Variants in MAGI3 observed in about 807,000 individuals in gnomAD.
MAGI3 encodes membrane-associated guanylate kinase, WW and PDZ domain-containing protein 3.
A neutral mutation model predicts 121.8 loss-of-function variants in MAGI3; 43 were observed. The ratio of observed to expected loss-of-function variants is 0.35; its 90% CI spans 0.28 to 0.46. The LOEUF is 0.46. Among genes scored for constraint, MAGI3 ranks in the 20% least tolerant of loss-of-function variants. The pLI is 1.00. For synonymous variants in MAGI3, 553 were observed against 639.3 expected, an observed-to-expected ratio of 0.86 and a Z score of 2.04; for missense variants, 1,547 against 1,797.3, an observed-to-expected ratio of 0.86 and a Z score of 2.52.
chr1:113,551,400 G>A (rs1187710746), intron 2 of MAGI3, among the ~76,000 whole-genome samples: 1 of 152,094 alleles, frequency 6.6e-6, no homozygotes, highest in African/African-American at 2.4e-5. Context: ...AAAATAAAGT[G>A]GACATCTGAT....
intron 9 of MAGI3, among the ~76,000 whole-genome samples, chr1:113,632,424 G>A (rs1357560050): frequency 6.6e-6 from 1 of 152,126 alleles, no homozygotes; most frequent in Non-Finnish European, 1.5e-5. Context: ...ACCAGATTGA[G>A]TTTTTTAAAA....
intron 19 of MAGI3, among the ~76,000 whole-genome samples, chr1:113,679,925 G>A (rs1045151876): frequency 1.3e-5 from 2 of 151,896 alleles, no homozygotes; most frequent in Non-Finnish European, 2.9e-5. Flanking sequence ...GGCTGGTCTC[G>A]AACTCCCGAC....
chr1:113,598,168 C>T (rs1019820900), intron 6 of MAGI3, among the ~76,000 whole-genome samples: 14 of 152,000 alleles, frequency 9.2e-5, no homozygotes, highest in Non-Finnish European at 1.6e-4. Flanking sequence ...GCCAAGATTG[C>T]ACCACTGTAC....
rs182701823 is a variant in MAGI3, at chr1:113,504,909, T to C, written c.317-44606T>C. On this transcript the variant is annotated intron_variant, in intron 1 of 20. Transcript: ENST00000307546. ...ATTAGAGGGACTTTCTGTGAGGTAC[T>C]GTTGAATGAGGAAAGAAAGATATAC... 1.0e-3 allele frequency among the ~76,000 whole-genome samples: 152 copies of C among 152,294 alleles called. No homozygotes were observed. The Middle Eastern group carries it at 0.024, about 24-fold the overall frequency.
chr1:113,397,057 A>G (rs755014326), intron 1 of MAGI3, among the ~76,000 whole-genome samples: 8 of 152,186 alleles, frequency 5.3e-5, no homozygotes, highest in Non-Finnish European at 1.0e-4. Context: ...AAAGCCCTTA[A>G]ATTGTGCATA....
At chr1:113,627,186 A>T (rs973380963) in intron 9 of MAGI3, among the ~76,000 whole-genome samples, 4 of 151,796 alleles carry the variant, frequency 2.6e-5, no homozygotes, top group African/African-American at 9.7e-5. Flanking sequence ...TCCTTTATTG[A>T]CTCACTGGTC....
chr1:113,572,393 T>C (rs1647351944), intron 2 of MAGI3, among the ~76,000 whole-genome samples: 1 of 152,222 alleles, frequency 6.6e-6, no homozygotes, highest in South Asian at 2.1e-4. Context: ...GGTATCAGGA[T>C]GATGCTGGAC....
intron 1 of MAGI3, among the ~76,000 whole-genome samples, chr1:113,543,101 T>C (rs7554019): frequency 0.53 from 80,485 of 151,820 alleles, 23,760 homozygotes; most frequent in East Asian, 0.75. Flanking sequence ...TAGTCATCAG[T>C]GTTTCCATTT....
intron 1 of MAGI3, among the ~76,000 whole-genome samples, chr1:113,529,587 C>T (rs1467344968): frequency 2.0e-5 from 3 of 152,122 alleles, no homozygotes; most frequent in Non-Finnish European, 4.4e-5. Context: ...AATATTTAGT[C>T]TGTGGCAGTA....
chr1:113,549,721 C>A, intron 2 of MAGI3, 90 bp downstream of exon 2: 1 of 640,564 alleles, frequency 1.6e-6, no homozygotes, highest in Non-Finnish European at 2.6e-6. Context: ...GAGTATTTCA[C>A]ATGAAATTGT....
At chr1:113,650,842 G>A (rs1366529780) in intron 13 of MAGI3, among the ~76,000 whole-genome samples, 172 bp from the exon 14 acceptor site, 1 of 152,142 alleles carries the variant, frequency 6.6e-6, no homozygotes, top group Non-Finnish European at 1.5e-5. Context: ...GTTATTTGAA[G>A]TGCCATTTTG....
chr1:113,473,570 C>T (rs1006120914), intron 1 of MAGI3, among the ~76,000 whole-genome samples: 3 of 152,070 alleles, frequency 2.0e-5, no homozygotes, highest in African/African-American at 7.2e-5. Context: ...CCAGCTTCAT[C>T]CATGTCCCTG....
At chr1:113,542,754 C>T (rs1444585831) in intron 1 of MAGI3, among the ~76,000 whole-genome samples, 1 of 152,160 alleles carries the variant, frequency 6.6e-6, no homozygotes, top group East Asian at 1.9e-4. Context: ...CACACAGGTA[C>T]ATACGCGTGT....
intron 1 of MAGI3, chr1:113,450,593 G>C (rs1570694126): frequency 9.2e-7 from 1 of 1,088,254 alleles, no homozygotes; most frequent in African/African-American, 1.5e-5. Flanking sequence ...TAATGATTTT[G>C]GAAATTATAG....
At chr1:113,681,585 G>A (rs1171128417) in intron 20 of MAGI3, among the ~76,000 whole-genome samples, 1 of 152,150 alleles carries the variant, frequency 6.6e-6, no homozygotes, top group African/African-American at 2.4e-5. Flanking sequence ...AGTTGTTTTT[G>A]TAGAGAAATG....
At chr1:113,490,585 C>T (rs562881578) in intron 1 of MAGI3, among the ~76,000 whole-genome samples, 19 of 152,256 alleles carry the variant, frequency 1.2e-4, no homozygotes, top group African/African-American at 4.3e-4. Flanking sequence ...GAGTGGCTAG[C>T]TGGATAAAGA....
chr1:113,407,791 A>C (rs535967290), intron 1 of MAGI3, among the ~76,000 whole-genome samples: 1 of 152,304 alleles, frequency 6.6e-6, no homozygotes, highest in Admixed American at 6.5e-5. Flanking sequence ...GTAAGAATAA[A>C]AGTGAAATTT....
At chr1:113,551,724 A>G (rs993566875) in intron 2 of MAGI3, among the ~76,000 whole-genome samples, 7 of 152,030 alleles carry the variant, frequency 4.6e-5, no homozygotes, top group African/African-American at 1.4e-4. Context: ...CTTTAGCCTC[A>G]GTTCTGTCAT....
intron 2 of MAGI3, 103 bp downstream of exon 2, chr1:113,549,734 A>C: frequency 1.7e-6 from 1 of 599,836 alleles, no homozygotes; most frequent in Non-Finnish European, 2.8e-6. Flanking sequence ...GAAATTGTGA[A>C]GACTAAGTTG....
Sources: gnomAD v4.1 joint callset for allele counts (sites outside exome capture counted in the v4.1 genomes callset) on GRCh38, gnomAD v4.1.1 for gene constraint, MANE v1.5 for transcripts, NCBI Gene and HGNC (gene_info 2026-07-23, HGNC 2026-07-21) for gene names.